Variants in TNRC18 observed in about 807,000 individuals in gnomAD.
TNRC18 encodes trinucleotide repeat-containing gene 18 protein.
A neutral mutation model predicts 226.7 loss-of-function variants in TNRC18; 69 were observed. The observed-to-expected ratio is 0.30, with a 90% confidence interval of 0.25 to 0.37. The LOEUF (loss-of-function observed/expected upper bound fraction) is 0.37. TNRC18 is among the 10% of genes least tolerant of loss of function. The pLI, the probability that TNRC18 is intolerant of heterozygous loss-of-function variation, is 1.00. For missense variants in TNRC18, 4,754 were observed against 4,256.6 expected (o/e 1.12, Z -3.25); for synonymous variants, 2,449 against 1,927.6 (o/e 1.27, Z -7.09).
At chr7:5,397,681 G>A (rs892102321) in intron 2 of TNRC18, among the ~76,000 whole-genome samples, 10 of 152,066 alleles carry the variant, frequency 6.6e-5, no homozygotes, top group African/African-American at 2.2e-4. Context: ...TGGCCCGTCA[G>A]GCACGAACTC....
Position 5,364,462 on chromosome 7 carries a change from A to ACAC in TNRC18, c.4220-1638_4220-1637insGTG, listed in dbSNP as rs778462099. Among the ~76,000 whole-genome samples, 73 of 116,720 alleles carry ACAC rather than the reference A, an allele frequency of 6.3e-4. 1 individual carries two copies. Among genetic ancestry groups the ACAC allele is most frequent in the Middle Eastern group, 8.3e-3 (2 of 242 alleles). 76.6% of individuals were successfully genotyped at this position (116,720 alleles called of 152,430 possible). ...AACAGAGCGAGCCTGTCTCAAAGAA[A>ACAC]ACACACACACACACACACACACACA... On this transcript the variant is annotated intron_variant, in intron 11 of 29. Transcript: ENST00000430969.
chr7:5,377,024 G>C lies in TNRC18; in HGVS notation c.2462-31C>G, dbSNP rs1352894297. 1 of 1,554,124 alleles carries C rather than the reference G, an allele frequency of 6.4e-7. No homozygotes were observed. Among genetic ancestry groups the C allele is most frequent in the Non-Finnish European group, 8.7e-7 (1 of 1,151,124 alleles). ...AGGAGAAGCCCAGGCCTGAGTCAGTGCTGGGAGCCCCCAAGCGGTTTGTCC... is the reference window on the plus strand; with the variant it reads ...AGGAGAAGCCCAGGCCTGAGTCAGTCCTGGGAGCCCCCAAGCGGTTTGTCC... On this transcript the variant is annotated intron_variant, in intron 7 of 29. Coordinates refer to ENST00000430969, the MANE Select transcript of TNRC18 (RefSeq NM_001080495.3). This position sits in a 1 kb window ranked among gnomAD's most constrained non-coding sequence, Gnocchi z 5.8.
intron 2 of TNRC18, among the ~76,000 whole-genome samples, chr7:5,412,870 C>A (rs552217898): frequency 1.2e-4 from 19 of 152,278 alleles, no homozygotes; most frequent in South Asian, 4.1e-4. Context: ...GGGTTTCCCC[C>A]CAGGCTGAGG....
intron 19 of TNRC18, among the ~76,000 whole-genome samples, chr7:5,328,213 T>C (rs1481687459): frequency 2.6e-5 from 4 of 151,162 alleles, no homozygotes; most frequent in African/African-American, 9.8e-5. Context: ...AGTGAGACTC[T>C]GTCGCAAAAA....
In TNRC18 at chr7:5,324,103, C is replaced by A; in HGVS notation, c.6442+111G>T. 1 of 1,248,988 alleles carries A rather than the reference C, an allele frequency of 8.0e-7. No homozygotes were observed. The highest frequency in any genetic ancestry group is 1.5e-5 in the South Asian group (1 of 68,414). The allele number at this position is 1,248,988 out of a possible 1,614,324, so 77.4% of individuals were successfully genotyped here. A position where few individuals can be genotyped will look rare whatever the true frequency, so the allele number is the denominator to read the frequency against. ...CCTCAGGATCTCTGCTCCTGTGGTT[C>A]CCTGCCCCCAGCTAGCCCAGCCCTT... On this transcript the variant is annotated intron_variant, in intron 21 of 29. Transcript: ENST00000430969. This position sits in a 1 kb window ranked among gnomAD's most constrained non-coding sequence, Gnocchi z 4.8.
intron 11 of TNRC18, 92 bp from the exon 12 acceptor site, chr7:5,362,917 A>T: frequency 7.6e-7 from 1 of 1,322,442 alleles, no homozygotes; most frequent in South Asian, 1.6e-5. Flanking sequence ...CGCAGGCCCC[A>T]GGCCACACGT....
chr7:5,380,375 G>A (rs371694380), intron 5 of TNRC18, among the ~76,000 whole-genome samples: 1 of 152,234 alleles, frequency 6.6e-6, no homozygotes, highest in African/African-American at 2.4e-5. Flanking sequence ...GAGCCCAGGA[G>A]GTGGAGACTG....
Position 5,312,467 on chromosome 7 carries a change from G to T in TNRC18, c.8388+36C>A. On this transcript the variant is annotated intron_variant, in intron 27 of 29. Coordinates refer to ENST00000430969, the MANE Select transcript of TNRC18 (RefSeq NM_001080495.3). The surrounding 1 kb of genome is among the most constrained non-coding windows in gnomAD (Gnocchi z 6.3). ...CCCAGCAGAGAGACACAAGGCCCCC[G>T]GCCCCTCGGCCGTGCCCGGGCGCGA... 1 of 1,599,648 alleles carries T rather than the reference G, an allele frequency of 6.3e-7. No homozygotes were observed. The highest frequency in any genetic ancestry group is 8.5e-7 in the Non-Finnish European group (1 of 1,175,446).
At chr7:5,310,512 G>A (rs1787064654) in intron 27 of TNRC18, among the ~76,000 whole-genome samples, 1 of 152,172 alleles carries the variant, frequency 6.6e-6, no homozygotes, top group Admixed American at 6.6e-5. Context: ...TGGGATTACA[G>A]GTGTGAGCCA....
intron 17 of TNRC18, among the ~76,000 whole-genome samples, chr7:5,346,011 C>A (rs1473158389): frequency 2.0e-5 from 3 of 152,230 alleles, no homozygotes; most frequent in Non-Finnish European, 4.4e-5. Context: ...CTGAGCCCAA[C>A]GCGGGCATCC....
rs978741082 is a variant in TNRC18, at chr7:5,388,116, C to T, written c.1708G>A (p.Ala570Thr). The change falls in exon 5 of 30, where the codon GCT becomes ACT. Residue 570 changes from alanine to threonine, a missense_variant. By Grantham distance (58) the Ala-to-Thr change is moderately conservative. Coordinates refer to ENST00000430969, the MANE Select transcript of TNRC18 (RefSeq NM_001080495.3). ...CCGTGGGCCGCAGAGTGCATGTCAGCGACCGGCCGGCCGCAGGTGGCCGCC... is the reference window on the plus strand; with the variant it reads ...CCGTGGGCCGCAGAGTGCATGTCAGTGACCGGCCGGCCGCAGGTGGCCGCC... ...RSAATCGRPVADMHSAAHGSG... is the reference protein window; with the variant it reads ...RSAATCGRPVTDMHSAAHGSG... The T allele has an allele frequency of 1.3e-6, 2 of 1,553,182 alleles. No homozygotes were observed. Among genetic ancestry groups the T allele is most frequent in the Non-Finnish European group, 8.7e-7 (1 of 1,149,314 alleles).
chr7:5,404,886 G>A (rs1781361733), intron 2 of TNRC18, among the ~76,000 whole-genome samples: 1 of 151,808 alleles, frequency 6.6e-6, no homozygotes, highest in Non-Finnish European at 1.5e-5. Context: ...GGCCGAGGCG[G>A]GCAGATTGCC....
Position 5,308,027 on chromosome 7 carries a change from G to C in TNRC18, c.*79C>G. ...GCGCTCGCATGCACACAACGCACGT[G>C]GTCTCCGCGCCATGGCAGTGATGGA... On this transcript the variant is annotated 3_prime_UTR_variant, in exon 30 of 30. Transcript: ENST00000430969. 1 of 1,344,676 alleles carries C rather than the reference G, an allele frequency of 7.4e-7. No individual in the cohort carries two copies. Among genetic ancestry groups the C allele is most frequent in the Non-Finnish European group, 1.0e-6 (1 of 978,106 alleles). 83.3% of individuals were successfully genotyped at this position (1,344,676 alleles called of 1,614,324 possible). A position where few individuals can be genotyped will look rare whatever the true frequency, so the allele number is the denominator to read the frequency against.
intron 16 of TNRC18, among the ~76,000 whole-genome samples, chr7:5,352,807 C>T (rs1480601358): frequency 1.3e-5 from 2 of 152,272 alleles, no homozygotes; most frequent in African/African-American, 2.4e-5. Context: ...CGCTCCGGCC[C>T]CCGCCATGCT....
rs140084032 is a variant in TNRC18 at position 5,384,174 on chromosome 7, A to G, written c.2152+3498T>C. On this transcript the variant is annotated intron_variant, in intron 5 of 29. Coordinates refer to ENST00000430969, the MANE Select transcript of TNRC18 (RefSeq NM_001080495.3). ...GTAGAGACGGGGTTTTACCACATTA[A>G]CCAGTCTGATCTCAAACTCCTGACC... is the stretch of plus-strand genomic sequence containing the variant. 3.8e-3 allele frequency among the ~76,000 whole-genome samples: 571 copies of G among 151,880 alleles called. 7 individuals are homozygous for G. The highest frequency in any genetic ancestry group is 0.013 in the African/African-American group (534 of 41,406).
chr7:5,385,982 C>CA (rs1160231238), intron 5 of TNRC18, among the ~76,000 whole-genome samples: 1,953 of 41,140 alleles, frequency 0.047, 138 homozygotes, highest in African/African-American at 0.075. Flanking sequence ...AAGTCTGTCT[C>CA]AAAAAAAAAA....
chr7:5,348,953 G>A (rs1448782887), intron 17 of TNRC18, among the ~76,000 whole-genome samples: 3 of 151,742 alleles, frequency 2.0e-5, no homozygotes, highest in South Asian at 2.1e-4. Context: ...GAGCAGGGTG[G>A]TGGGCAGGGG....
At chr7:5,390,145 C>A (rs1780179494) in intron 4 of TNRC18, 1 of 434,482 alleles carries the variant, frequency 2.3e-6, no homozygotes, top group Non-Finnish European at 4.0e-6. Flanking sequence ...AGGAGGATTG[C>A]TTGAGGCCAG....
chr7:5,349,063 G>T (rs1791509241), intron 17 of TNRC18, among the ~76,000 whole-genome samples: 1 of 152,208 alleles, frequency 6.6e-6, no homozygotes, highest in Non-Finnish European at 1.5e-5. Context: ...CCCATCCAGA[G>T]GAATTCTCAA....
Sources: gnomAD v4.1 joint callset for allele counts (sites outside exome capture counted in the v4.1 genomes callset) on GRCh38, gnomAD v4.1.1 for gene constraint, Gnocchi (gnomAD v3.1) non-coding constraint, MANE v1.5 for transcripts, NCBI Gene and HGNC (gene_info 2026-07-23, HGNC 2026-07-21) for gene names.